Variants in CHST6 observed in about 807,000 individuals in gnomAD.
CHST6 encodes the protein carbohydrate sulfotransferase 6.
For missense variants in CHST6, 698 were observed against 586.2 expected, an observed-to-expected ratio of 1.19 and a Z score of -1.97; for synonymous variants, 309 against 276.4, an observed-to-expected ratio of 1.12 and a Z score of -1.17.
intron 1 of CHST6, among the ~76,000 whole-genome samples, chr16:75,491,190 A>ATATATATATATAT (rs1555501737): frequency 6.0e-5 from 3 of 50,092 alleles, no homozygotes; most frequent in African/African-American, 1.1e-4. Flanking sequence ...AAAAAAAAAA[A>ATATATATATATAT]ATATATATAT....
chr16:75,479,354 T>C lies in CHST6; in HGVS notation c.475A>G (p.Thr159Ala), dbSNP rs746939082. ...CKPLCARQSF[T>A]LAREACRSYS... ...GAGCGGCAGGCCTCCCGGGCCAGGG[T>C]GAAGGACTGCCGCGCGCACAGTGGC... Residue 159 changes from threonine to alanine, a missense_variant, in exon 3 of 3, where the codon ACC (threonine) becomes GCC (alanine). Physicochemically the swap from Thr to Ala is moderately conservative, Grantham distance 58. Coordinates refer to ENST00000332272, the MANE Select transcript of CHST6 (RefSeq NM_021615.5). 6.2e-7 allele frequency: 1 copy of C among 1,611,902 alleles called. No individual in the cohort carries two copies. The highest frequency in any genetic ancestry group is 1.7e-5 in the Admixed American group (1 of 60,016).
chr16:75,492,186 G>A (rs1436336260), intron 1 of CHST6, among the ~76,000 whole-genome samples: 2 of 152,248 alleles, frequency 1.3e-5, no homozygotes, highest in Non-Finnish European at 1.5e-5. Flanking sequence ...CACTGCCCTG[G>A]GGCATTTCAG....
rs183666436 is a variant in CHST6, at chr16:75,490,074, G to A, written c.-92+4866C>T. 7.1e-4 allele frequency among the ~76,000 whole-genome samples: 107 copies of A among 150,676 alleles called. 1 individual carries two copies. In the East Asian group the frequency reaches 0.017, roughly 24 times the overall value. On this transcript the variant is annotated intron_variant, in intron 1 of 2. Transcript: ENST00000332272. ...GCACCTGTAATCCCAGCTACTCGGC[G>A]GGGAGGGAGAATCGCTTGAACCCGG...
chr16:75,492,276 G>C (rs1317427809), intron 1 of CHST6, among the ~76,000 whole-genome samples: 1 of 152,232 alleles, frequency 6.6e-6, no homozygotes, highest in African/African-American at 2.4e-5. Flanking sequence ...ACTTCAAACA[G>C]CACCTGCCTT....
chr16:75,489,638 A>G (rs2080236301), intron 1 of CHST6, among the ~76,000 whole-genome samples: 1 of 152,046 alleles, frequency 6.6e-6, no homozygotes, highest in South Asian at 2.1e-4. Flanking sequence ...AAATACACGA[A>G]TATCAAAGAA....
chr16:75,479,842 G>A lies in CHST6; in HGVS notation c.-14C>T, dbSNP rs1323139366. 6.5e-7 allele frequency: 1 copy of A among 1,547,380 alleles called. No individual in the cohort carries two copies. Among genetic ancestry groups the A allele is most frequent in the Middle Eastern group, 2.0e-4 (1 of 5,122 alleles). On this transcript the variant is annotated splice_region_variant and 5_prime_UTR_variant, in exon 3 of 3. Transcript: ENST00000332272. Reference sequence around the variant, plus strand: ...CGGCAGCCACATGCTGACTGCTGGGGGCCTTAGGGAGGAGAGCGCAGCGGT... The same window carrying A: ...CGGCAGCCACATGCTGACTGCTGGGAGCCTTAGGGAGGAGAGCGCAGCGGT...
chr16:75,478,679 T>C lies in CHST6; in HGVS notation c.1150A>G (p.Thr384Ala), dbSNP rs1260157707. 1 of 1,613,664 alleles carries C rather than the reference T, an allele frequency of 6.2e-7. No individual in the cohort carries two copies. Among genetic ancestry groups the C allele is most frequent in the African/African-American group, 1.3e-5 (1 of 75,044 alleles). The part of the protein sequence containing the change: ...LVLPRGLNGF[T>A]WASSTASHPR... ...TGCGAGGCGGTGGATGATGCCCAAG[T>C]GAAGCCGTTCAGGCCTCGTGGCAGC... Residue 384 changes from threonine (T) to alanine (A), a missense_variant, in exon 3 of 3, where the codon ACT (threonine) becomes GCT (alanine). Coordinates refer to ENST00000332272, the MANE Select transcript of CHST6 (RefSeq NM_021615.5).
At chr16:75,491,152 T>C in intron 1 of CHST6, among the ~76,000 whole-genome samples, 1 of 84,202 alleles carries the variant, frequency 1.2e-5, no homozygotes, top group Non-Finnish European at 2.2e-5. Context: ...GTGACAAGAG[T>C]GAAACTCCGT....
rs750212631 is a variant in CHST6 at position 75,478,628 on chromosome 16, A to C, written c.*13T>G. On this transcript the variant is annotated 3_prime_UTR_variant, in exon 3 of 3. Coordinates refer to ENST00000332272, the MANE Select transcript of CHST6 (RefSeq NM_021615.5). ...CCTCCCGGGCCTAGCGCCTGCTACA[A>C]CTGTGGCCTCCACTAATTTCGGGGG... The C allele has an allele frequency of 1.9e-6, 3 of 1,612,018 alleles. No individual in the cohort carries two copies. The Admixed American group carries it at 5.0e-5, about 27-fold the overall frequency.
intron 1 of CHST6, among the ~76,000 whole-genome samples, chr16:75,493,455 G>A (rs553501673): frequency 5.3e-5 from 8 of 150,610 alleles, no homozygotes; most frequent in African/African-American, 2.0e-4. Context: ...AGGTTGCAGT[G>A]AGCCGAGATT....
At chr16:75,487,230 C>T (rs2080207675) in intron 1 of CHST6, among the ~76,000 whole-genome samples, 1 of 152,154 alleles carries the variant, frequency 6.6e-6, no homozygotes, top group African/African-American at 2.4e-5. Context: ...TAGGAAGGAG[C>T]TATGGTTCTG....
At chr16:75,480,550 G>A (rs548364346) in intron 2 of CHST6, among the ~76,000 whole-genome samples, 4 of 149,656 alleles carry the variant, frequency 2.7e-5, no homozygotes, top group South Asian at 2.1e-4. Flanking sequence ...TTGCTACAGC[G>A]TGTGCTTCTG....
chr16:75,492,960 G>A (rs56408765), intron 1 of CHST6, among the ~76,000 whole-genome samples: 2,593 of 152,180 alleles, frequency 0.017, 84 homozygotes, highest in African/African-American at 0.06. Flanking sequence ...ATACCCTAGA[G>A]GTAATCAGAT....
intron 1 of CHST6, among the ~76,000 whole-genome samples, chr16:75,482,568 CAT>C (rs749876350): frequency 1.3e-5 from 2 of 152,134 alleles, no homozygotes; most frequent in Non-Finnish European, 1.5e-5. Flanking sequence ...AAATGTCACA[CAT>C]GTCTCACAGG....
intron 2 of CHST6, 27 bp downstream of exon 2, chr16:75,481,790 C>G (rs920164350): frequency 4.1e-6 from 2 of 488,604 alleles, no homozygotes; most frequent in African/African-American, 4.0e-5. Flanking sequence ...GAGCAGAGGA[C>G]TGTCCCGGCC....
In CHST6 at chr16:75,476,748, CT is replaced by C. The variant is rs35225560; in HGVS notation, c.*1892del. The C allele has an allele frequency of 0.74, 101,220 of 136,758 alleles. 37,294 individuals carry two copies. The highest frequency in any genetic ancestry group is 0.84 in the Middle Eastern group (228 of 270). 8.5% of individuals were successfully genotyped at this position (136,758 alleles called of 1,614,324 possible). On this transcript the variant is annotated 3_prime_UTR_variant, in exon 3 of 3. Transcript: ENST00000332272. ...AACATTTGTTTATAAGTTACCCAGT[CT>C]TTTTTTTTTTTTTGAGATGGAGTCT...
At position 75,478,746 on chromosome 16, in the gene CHST6, C is replaced by T. The variant is rs778485182; in HGVS notation, c.1083G>A (p.Val361=). The T allele has an allele frequency of 6.8e-6, 11 of 1,613,424 alleles. No individual in the cohort carries two copies. Among genetic ancestry groups the T allele is most frequent in the Admixed American group, 3.3e-5 (2 of 60,012 alleles). The change falls in exon 3 of 3, where the codon GTG becomes GTA. Residue 361 remains valine (V), a synonymous_variant. Coordinates refer to ENST00000332272, the MANE Select transcript of CHST6 (RefSeq NM_021615.5). ...GGTTGCGCTGCTCGTCCTCAGAGTACACAGGCCGGTAGCCCAGCAGCTGCA... is the reference window on the plus strand; with the variant it reads ...GGTTGCGCTGCTCGTCCTCAGAGTATACAGGCCGGTAGCCCAGCAGCTGCA... ...GALQLLGYRP[V]YSEDEQRNLA...
At chr16:75,481,457 A>G (rs1179129401) in intron 2 of CHST6, among the ~76,000 whole-genome samples, 1 of 151,306 alleles carries the variant, frequency 6.6e-6, no homozygotes, top group Non-Finnish European at 1.5e-5. Context: ...TTAGCTGGGC[A>G]TGGTGGTGCA....
intron 1 of CHST6, among the ~76,000 whole-genome samples, chr16:75,489,514 A>G (rs2080235519): frequency 6.6e-6 from 1 of 152,056 alleles, no homozygotes; most frequent in Non-Finnish European, 1.5e-5. Context: ...TCTTCGCTAC[A>G]TAGTGTCAAG....
Sources: gnomAD v4.1 joint callset for allele counts (sites outside exome capture counted in the v4.1 genomes callset) on GRCh38, gnomAD v4.1.1 for gene constraint, MANE v1.5 for transcripts, NCBI Gene and HGNC (gene_info 2026-07-23, HGNC 2026-07-21) for gene names.